The following MLC1 variants were observed in gnomAD, a reference collection of about 807,000 sequenced individuals.
MLC1 encodes the protein membrane protein MLC1.
MLC1 carries 32 observed loss-of-function variants against 44.7 expected under a neutral mutation model. The ratio of observed to expected loss-of-function variants is 0.72; its 90% CI spans 0.54 to 0.96. The LOEUF (loss-of-function observed/expected upper bound fraction) is 0.96, where lower values mean the gene tolerates loss of function less well. Among genes scored for constraint, MLC1 ranks in the 40% least tolerant of loss-of-function variants. MLC1 has a pLI of 0.00. For synonymous variants in MLC1, 190 were observed against 213.0 expected (o/e 0.89, Z 0.94); for missense variants, 459 against 492.2 (o/e 0.93, Z 0.64).
rs765551035 is a variant in MLC1, at chr22:50,084,730, A to G, written c.173T>C (p.Met58Thr). ...SHKTWVFSVLMGSCLLVTSGF... is the reference protein window; with the variant it reads ...SHKTWVFSVLTGSCLLVTSGF... ...GCTTAGTGTGGAGCTACTCACCCCC[A>G]TCAGCACAGAGAAGACCCACGTCTT... is the stretch of plus-strand genomic sequence containing the variant. The change falls in exon 2 of 12, where the codon ATG becomes ACG. Residue 58 changes from methionine (M) to threonine (T), a missense_variant. Met to Thr is a moderately conservative substitution (Grantham distance 81, BLOSUM62 -1). Transcript: ENST00000311597. 1 of 1,613,996 alleles carries G rather than the reference A, an allele frequency of 6.2e-7. No homozygotes were observed. Among genetic ancestry groups the G allele is most frequent in the Non-Finnish European group, 8.5e-7 (1 of 1,180,002 alleles).
rs1027075972 is a variant in MLC1 at position 50,083,793 on chromosome 22, G to T, written c.178-620C>A. 7.2e-5 allele frequency among the ~76,000 whole-genome samples: 11 copies of T among 152,270 alleles called. No homozygotes were observed. Among genetic ancestry groups the T allele is most frequent in the East Asian group, 5.8e-4 (3 of 5,164 alleles). The stretch of plus-strand genomic sequence containing the variant: ...GGGGAGTCAGTATCAAAGGTCACTG[G>T]GACCCAGGGTCCTGGCAGAGGAAGC... On this transcript the variant is annotated intron_variant, in intron 2 of 11. Transcript: ENST00000311597. This position sits in a 1 kb window ranked among gnomAD's most constrained non-coding sequence, Gnocchi z 4.6.
intron 9 of MLC1, 35 bp from the exon 10 acceptor site, chr22:50,068,590 G>T (rs11568179): frequency 6.2e-7 from 1 of 1,604,836 alleles, no homozygotes; most frequent in Non-Finnish European, 8.5e-7. Context: ...GACCACGGCC[G>T]GAGCCTGGGA....
chr22:50,063,114 C>T (rs1601964650), intron 11 of MLC1, among the ~76,000 whole-genome samples: 1 of 152,174 alleles, frequency 6.6e-6, no homozygotes, highest in East Asian at 1.9e-4. Flanking sequence ...AATCTGAAAG[C>T]ATTAAGTCCA....
rs1374154990 is a variant in MLC1 at position 50,071,940 on chromosome 22, G to A, written c.715-1357C>T. Reference sequence around the variant, plus strand: ...GCAGGACAGAGATGGGCTCCGAGCAGGGGAGCCTGGGCAGCAGGGAGAAGA... The same window carrying A: ...GCAGGACAGAGATGGGCTCCGAGCAAGGGAGCCTGGGCAGCAGGGAGAAGA... On this transcript the variant is annotated intron_variant, in intron 8 of 11. Coordinates refer to ENST00000311597, the MANE Select transcript of MLC1 (RefSeq NM_015166.4). Among the ~76,000 whole-genome samples the A allele has an allele frequency of 2.0e-5, 3 of 152,194 alleles. No individual in the cohort carries two copies. In the East Asian group the frequency reaches 5.8e-4, roughly 29 times the overall value.
intron 10 of MLC1, 30 bp downstream of exon 10, chr22:50,068,403 T>TG (rs2061764690): frequency 6.2e-7 from 1 of 1,610,758 alleles, no homozygotes; most frequent in Non-Finnish European, 8.5e-7. Context: ...ACCACATGTC[T>TG]GGGGGGCTCT....
chr22:50,076,554 CAA>C (rs1262682508), intron 7 of MLC1, among the ~76,000 whole-genome samples: 27 of 113,400 alleles, frequency 2.4e-4, no homozygotes, highest in Admixed American at 5.7e-4. Flanking sequence ...GACTCCGTCT[CAA>C]AAAAAAAAAA....
intron 11 of MLC1, among the ~76,000 whole-genome samples, chr22:50,062,632 G>A (rs959289466): frequency 2.0e-5 from 3 of 152,274 alleles, no homozygotes; most frequent in African/African-American, 7.2e-5. Flanking sequence ...TCTGCACCAA[G>A]GTTCTGAGGC....
intron 11 of MLC1, 101 bp downstream of exon 11, chr22:50,063,933 C>T: frequency 7.5e-7 from 1 of 1,328,168 alleles, no homozygotes; most frequent in South Asian, 1.4e-5. Context: ...CCACTCACCT[C>T]CCCAGCTTCC....
chr22:50,084,798 G>T lies in MLC1; in HGVS notation c.105C>A (p.Ser35Arg). Residue 35 changes from serine to arginine, a missense_variant, in exon 2 of 12, where the codon AGC becomes AGA. Ser to Arg is a moderately radical substitution (Grantham distance 110, BLOSUM62 -1). Coordinates refer to ENST00000311597, the MANE Select transcript of MLC1 (RefSeq NM_015166.4). Reference protein sequence around the residue: ...PASYAPDAKPSDLQLSKRLPP... With the variant: ...PASYAPDAKPRDLQLSKRLPP... ...GCAGTCTCTTCGACAGCTGCAGGTCGCTCGGCTTCGCGTCTGGGGCATAGC... is the reference window on the plus strand; with the variant it reads ...GCAGTCTCTTCGACAGCTGCAGGTCTCTCGGCTTCGCGTCTGGGGCATAGC... 3 of 1,613,964 alleles carry T rather than the reference G, an allele frequency of 1.9e-6. No homozygotes were observed. The highest frequency in any genetic ancestry group is 1.7e-6 in the Non-Finnish European group (2 of 1,180,044).
intron 8 of MLC1, 101 bp downstream of exon 8, chr22:50,074,113 ACT>A (rs2061922342): frequency 4.3e-6 from 4 of 939,530 alleles, no homozygotes; most frequent in East Asian, 2.6e-5. Flanking sequence ...CTCTGTGGTG[ACT>A]CTCTGTCTGA....
chr22:50,084,940 C>A lies in MLC1; in HGVS notation c.-38G>T, dbSNP rs1431964171. 6.2e-7 allele frequency: 1 copy of A among 1,605,442 alleles called. No individual in the cohort carries two copies. Among genetic ancestry groups the A allele is most frequent in the Non-Finnish European group, 8.5e-7 (1 of 1,179,588 alleles). ...CACCACAGCTGTGCTGAATGTACAGCCACGTGTCACCAGTTCTTTATCTGG... is the reference window on the plus strand; with the variant it reads ...CACCACAGCTGTGCTGAATGTACAGACACGTGTCACCAGTTCTTTATCTGG... On this transcript the variant is annotated 5_prime_UTR_variant, in exon 2 of 12. Coordinates refer to ENST00000311597, the MANE Select transcript of MLC1 (RefSeq NM_015166.4).
intron 7 of MLC1, among the ~76,000 whole-genome samples, chr22:50,076,638 C>G (rs554103720): frequency 1.3e-5 from 2 of 152,200 alleles, no homozygotes; most frequent in African/African-American, 4.8e-5. Context: ...TTACAGGACA[C>G]CAGCAGCACC....
At chr22:50,074,455 G>A (rs539918759) in intron 7 of MLC1, 123 bp from the exon 8 acceptor site, 22 of 870,440 alleles carry the variant, frequency 2.5e-5, no homozygotes, top group Non-Finnish European at 3.4e-5. Flanking sequence ...AGATCTAACC[G>A]TGGAGGAGCC....
chr22:50,063,602 C>A (rs2061619389), intron 11 of MLC1, among the ~76,000 whole-genome samples: 1 of 151,962 alleles, frequency 6.6e-6, no homozygotes, highest in African/African-American at 2.4e-5. Flanking sequence ...AGGCCCTCAC[C>A]AGGACAGGAG....
chr22:50,070,648 T>C, intron 8 of MLC1, 65 bp from the exon 9 acceptor site: 1 of 1,497,376 alleles, frequency 6.7e-7, no homozygotes, highest in Non-Finnish European at 9.1e-7. Context: ...TCCAAACATG[T>C]GCCCTCCCAC....
intron 8 of MLC1, among the ~76,000 whole-genome samples, chr22:50,071,548 A>G (rs2294392): frequency 0.14 from 21,905 of 152,038 alleles, 1,730 homozygotes; most frequent in Admixed American, 0.21. Context: ...GGTGCAGCCC[A>G]TCAGCTGCAG....
intron 1 of MLC1, 143 bp from the exon 2 acceptor site, chr22:50,085,104 AGTG>A: frequency 6.9e-7 from 1 of 1,440,164 alleles, no homozygotes; most frequent in Admixed American, 2.7e-5. Context: ...TGAATCTAAA[AGTG>A]AAAAAGAAAT....
At chr22:50,062,274 T>TTGAGCCCCAGCCGTCCATCC (rs2061586202) in intron 11 of MLC1, among the ~76,000 whole-genome samples, 2 of 35,404 alleles carry the variant, frequency 5.6e-5, no homozygotes, top group African/African-American at 1.1e-4. Flanking sequence ...GCCACCCACC[T>TTGAGCCCCAGCCGTCCATCC]TGAGCCCCAG....
chr22:50,085,737 C>A (rs1016127706), upstream of MLC1: 3 of 152,504 alleles, frequency 2.0e-5, no homozygotes, highest in Non-Finnish European at 4.4e-5. Flanking sequence ...TTCCAAGTAG[C>A]CTTTTTCCAT....
Sources: allele counts gnomAD v4.1 joint callset (sites outside exome capture counted in the v4.1 genomes callset), GRCh38; gene constraint gnomAD v4.1.1; non-coding constraint Gnocchi (gnomAD v3.1); transcripts MANE v1.5; gene names NCBI Gene and HGNC (gene_info 2026-07-23, HGNC 2026-07-21).